The following CD244 variants were observed in gnomAD, a reference collection of about 807,000 sequenced individuals.
CD244 encodes the protein CD244 molecule.
In CD244, 20 loss-of-function variants were observed where a neutral mutation model predicts 45.5. The ratio of observed to expected loss-of-function variants is 0.44; its 90% CI spans 0.31 to 0.64. The LOEUF is 0.64. CD244 is among the 30% of genes least tolerant of loss of function. CD244 has a pLI of 0.08. For missense variants in CD244, 407 were observed against 426.9 expected (o/e 0.95, Z 0.41); for synonymous variants, 185 against 160.5 (o/e 1.15, Z -1.15).
intron 1 of CD244, among the ~76,000 whole-genome samples, chr1:160,846,573 C>A (rs1473114574): frequency 6.6e-6 from 1 of 151,848 alleles, no homozygotes; most frequent in Non-Finnish European, 1.5e-5. Flanking sequence ...GGCTGAGGCA[C>A]GAGAATCACT....
rs79415984 is a variant in CD244, at chr1:160,859,502, C to T, written c.61+3115G>A. The stretch of plus-strand genomic sequence containing the variant: ...TCATCATATGACTCCTGATGGGATG[C>T]GCTGAAAAAGACACAGTATCACTTT... On this transcript the variant is annotated intron_variant, in intron 1 of 8. Coordinates refer to ENST00000368034, the MANE Select transcript of CD244 (RefSeq NM_016382.4). Among the ~76,000 whole-genome samples, 11 of 152,062 alleles carry T rather than the reference C, an allele frequency of 7.2e-5. 1 individual carries two copies. In the East Asian group the frequency reaches 1.4e-3, roughly 19 times the overall value.
chr1:160,838,727 C>T (rs892057194), intron 4 of CD244: 2 of 617,062 alleles, frequency 3.2e-6, no homozygotes, highest in Admixed American at 5.8e-5. Flanking sequence ...CAGCTGTCTA[C>T]AGGGAAATCT....
intron 7 of CD244, among the ~76,000 whole-genome samples, chr1:160,833,684 C>A (rs1450049938): frequency 6.6e-6 from 1 of 152,218 alleles, no homozygotes; most frequent in Non-Finnish European, 1.5e-5. Flanking sequence ...ATATGCCCTG[C>A]CTTGCAAACC....
intron 1 of CD244, among the ~76,000 whole-genome samples, chr1:160,862,005 G>A (rs747599764): frequency 6.6e-6 from 1 of 152,202 alleles, no homozygotes; most frequent in Non-Finnish European, 1.5e-5. Context: ...CTCCATGCCT[G>A]GCTGACAGCT....
chr1:160,850,481 T>A (rs188746545), intron 1 of CD244, among the ~76,000 whole-genome samples: 1 of 152,180 alleles, frequency 6.6e-6, no homozygotes, highest in Admixed American at 6.6e-5. Flanking sequence ...ATTCTAAAAC[T>A]TATATGAAAA....
intron 1 of CD244, among the ~76,000 whole-genome samples, chr1:160,849,293 T>TTTTG (rs1669839322): frequency 6.6e-6 from 1 of 151,764 alleles, no homozygotes; most frequent in Admixed American, 6.6e-5. Flanking sequence ...CTTTTTTTTT[T>TTTTG]TTTTGTTTTA....
chr1:160,839,034 G>T lies in CD244; in HGVS notation c.671C>A (p.Pro224Gln). The change falls in exon 4 of 9, where the codon CCG (proline) becomes CAG (glutamine). Residue 224 changes from proline to glutamine, a missense_variant. Pro to Gln is a moderately conservative substitution (Grantham distance 76). Coordinates refer to ENST00000368034, the MANE Select transcript of CD244 (RefSeq NM_016382.4). ...QNAHQEFRFW[P>Q]FLVIIVILSA... ...TAGAATCACGATGATCACCAAAAAC[G>T]GCCAAAATCTGAATTCTGAGGAATA... 6.2e-7 allele frequency: 1 copy of T among 1,613,492 alleles called. No individual in the cohort carries two copies. The highest frequency in any genetic ancestry group is 2.2e-5 in the East Asian group (1 of 44,854).
chr1:160,848,253 A>T (rs1460082302), intron 1 of CD244: 1 of 560,424 alleles, frequency 1.8e-6, no homozygotes, highest in African/African-American at 1.9e-5. Context: ...TATGGGGTGA[A>T]ATTTGATGGT....
rs111524996 is a variant in CD244 at position 160,837,685 on chromosome 1, C to T, written c.834+766G>A. On this transcript the variant is annotated intron_variant, in intron 5 of 8. Transcript: ENST00000368034. ...GTCTCCACAGCAAAGCGCCAGGGGG[C>T]AGTGGAAAGAAGGCACTTCCGCCCC... 5.1e-3 allele frequency among the ~76,000 whole-genome samples: 782 copies of T among 152,288 alleles called. 4 individuals carry two copies. Among genetic ancestry groups the T allele is most frequent in the Non-Finnish European group, 7.2e-3 (493 of 68,022 alleles).
chr1:160,849,175 G>A (rs1441485805), intron 1 of CD244, among the ~76,000 whole-genome samples: 2 of 152,116 alleles, frequency 1.3e-5, no homozygotes, highest in African/African-American at 4.8e-5. Context: ...GGTCACAGAA[G>A]TCTTCTATGT....
At chr1:160,839,138 C>T (rs2101868698) in intron 3 of CD244, 89 bp from the exon 4 acceptor site, 1 of 859,254 alleles carries the variant, frequency 1.2e-6, no homozygotes, top group Non-Finnish European at 1.8e-6. Flanking sequence ...GCCTCAAAAC[C>T]CACTTTTCTC....
chr1:160,852,333 T>TGAGGCCAGGAGTTC (rs998734392), intron 1 of CD244, among the ~76,000 whole-genome samples: 14 of 152,058 alleles, frequency 9.2e-5, no homozygotes, highest in African/African-American at 3.4e-4. Flanking sequence ...GTGGATCGCT[T>TGAGGCCAGGAGTTC]GAGGCCAGGA....
intron 3 of CD244, chr1:160,839,250 T>A (rs114511281): frequency 1.2e-5 from 6 of 509,564 alleles, no homozygotes; most frequent in African/African-American, 1.9e-5. Context: ...AGCATAGATA[T>A]ATCAGACAGG....
In CD244 at chr1:160,832,548, G is replaced by A; in HGVS notation, c.988C>T (p.Pro330Ser). 1.2e-6 allele frequency: 2 copies of A among 1,611,380 alleles called. No individual in the cohort carries two copies. The highest frequency in any genetic ancestry group is 1.7e-6 in the Non-Finnish European group (2 of 1,178,370). ...KSGSRKRNHS[P>S]SFNSTIYEVI... Reference sequence around the variant, plus strand: ...TCATAGATAGTGCTATTGAAGGAAGGGCTGTGGTTCCTCTTCCTGGATCCA... The same window carrying A: ...TCATAGATAGTGCTATTGAAGGAAGAGCTGTGGTTCCTCTTCCTGGATCCA... The change falls in exon 8 of 9, where the codon CCT (proline) becomes TCT (serine). Residue 330 changes from proline (P) to serine (S), a missense_variant. Pro to Ser is a moderately conservative substitution (Grantham distance 74). Transcript: ENST00000368034.
At position 160,854,374 on chromosome 1, in the gene CD244, A is replaced by G. The variant is rs566559721; in HGVS notation, c.61+8243T>C. Among the ~76,000 whole-genome samples, 31 of 152,126 alleles carry G rather than the reference A, an allele frequency of 2.0e-4. No individual in the cohort carries two copies. The South Asian group carries it at 6.4e-3, about 32-fold the overall frequency. ...CAGGAAAATGGTTAAGTTATTGTCTAGACTTCTTTGTTTGTTTGTTTGTTT... is the reference window on the plus strand; with the variant it reads ...CAGGAAAATGGTTAAGTTATTGTCTGGACTTCTTTGTTTGTTTGTTTGTTT... On this transcript the variant is annotated intron_variant, in intron 1 of 8. Coordinates refer to ENST00000368034, the MANE Select transcript of CD244 (RefSeq NM_016382.4).
intron 1 of CD244, among the ~76,000 whole-genome samples, chr1:160,860,364 G>C (rs980237000): frequency 3.3e-5 from 5 of 152,066 alleles, no homozygotes; most frequent in Non-Finnish European, 7.3e-5. Context: ...GATGAAGAAA[G>C]GTTAAAGTAT....
At chr1:160,852,899 T>C (rs2101889422) in intron 1 of CD244, among the ~76,000 whole-genome samples, 2 of 152,222 alleles carry the variant, frequency 1.3e-5, no homozygotes, top group Middle Eastern at 6.8e-3. Context: ...AGTGCACACC[T>C]GTAATCCCAG....
intron 1 of CD244, among the ~76,000 whole-genome samples, chr1:160,856,849 A>G (rs1045383142): frequency 2.0e-5 from 3 of 152,128 alleles, no homozygotes; most frequent in Non-Finnish European, 2.9e-5. Context: ...AAAATCATGT[A>G]CAGTAAAGGA....
chr1:160,856,868 A>G (rs1364979781), intron 1 of CD244, among the ~76,000 whole-genome samples: 2 of 151,246 alleles, frequency 1.3e-5, no homozygotes, highest in Non-Finnish European at 2.9e-5. Flanking sequence ...GAAACAATTC[A>G]CAGAGTGAAA....
Sources: gnomAD v4.1 joint callset for allele counts (sites outside exome capture counted in the v4.1 genomes callset) on GRCh38, gnomAD v4.1.1 for gene constraint, MANE v1.5 for transcripts, NCBI Gene and HGNC (gene_info 2026-07-23, HGNC 2026-07-21) for gene names.